DNAH14: variants seen among roughly 807,000 people sequenced by gnomAD.
DNAH14 encodes dynein axonemal heavy chain 14.
DNAH14 carries 478 observed loss-of-function variants against 520.9 expected under a neutral mutation model. That is an observed-to-expected ratio of 0.92 (90% CI 0.85 to 0.99). The LOEUF (loss-of-function observed/expected upper bound fraction) is 0.99, where lower values mean the gene tolerates loss of function less well. Among genes scored for constraint, DNAH14 ranks in the 50% least tolerant of loss-of-function variants. DNAH14 has a pLI of 0.00. For missense variants in DNAH14, 4,831 were observed against 5,234.5 expected, an observed-to-expected ratio of 0.92 and a Z score of 2.38; for synonymous variants, 1,581 against 1,757.2, an observed-to-expected ratio of 0.90 and a Z score of 2.51.
intron 2 of DNAH14, 106 bp from the exon 3 acceptor site, chr1:224,954,853 C>T (rs545549267): frequency 9.0e-6 from 7 of 777,276 alleles, no homozygotes; most frequent in African/African-American, 7.0e-5. Context: ...ACCTAAGAAG[C>T]TGTTTTAATT....
chr1:225,342,113 G>A (rs2095196365), intron 69 of DNAH14, among the ~76,000 whole-genome samples: 3 of 152,114 alleles, frequency 2.0e-5, no homozygotes, highest in Admixed American at 2.0e-4. Context: ...CTAATCTAAA[G>A]CCCATGGTCT....
At chr1:225,251,976 GT>G (rs1424874410) in intron 43 of DNAH14, among the ~76,000 whole-genome samples, 1 of 152,076 alleles carries the variant, frequency 6.6e-6, no homozygotes, top group African/African-American at 2.4e-5. Context: ...TGATATATTG[GT>G]TTGACCACAA....
intron 36 of DNAH14, among the ~76,000 whole-genome samples, chr1:225,182,681 G>T (rs995072236): frequency 3.6e-4 from 55 of 152,144 alleles, no homozygotes; most frequent in African/African-American, 1.3e-3. Context: ...AGAGGAAAGT[G>T]TGTGAGACTT....
At position 225,253,991 on chromosome 1, in the gene DNAH14, G is replaced by A. The variant is rs148011529; in HGVS notation, c.6865+1574G>A. Reference sequence around the variant, plus strand: ...TGTGACCAGATTAGATCTAGACAGCGGGATATGACTAGAGGTGAATCATGC... The same window carrying A: ...TGTGACCAGATTAGATCTAGACAGCAGGATATGACTAGAGGTGAATCATGC... On this transcript the variant is annotated intron_variant, in intron 44 of 85. Transcript: ENST00000682510. Among the ~76,000 whole-genome samples the A allele has an allele frequency of 3.7e-4, 56 of 152,128 alleles. No individual in the cohort carries two copies. The East Asian group carries it at 8.7e-3, about 24-fold the overall frequency.
chr1:224,947,282 T>G (rs185063517), intron 1 of DNAH14, among the ~76,000 whole-genome samples: 2 of 152,300 alleles, frequency 1.3e-5, no homozygotes, highest in East Asian at 3.9e-4. Context: ...TATGTTCCAT[T>G]ACTATGCTGC....
At chr1:225,316,769 G>A (rs1457797190) in intron 60 of DNAH14, among the ~76,000 whole-genome samples, 3 of 152,028 alleles carry the variant, frequency 2.0e-5, no homozygotes, top group Admixed American at 2.0e-4. Flanking sequence ...ATCTCGCTGG[G>A]AGCTGCAGAC....
intron 52 of DNAH14, among the ~76,000 whole-genome samples, chr1:225,275,329 C>G (rs894689052): frequency 2.6e-5 from 4 of 152,158 alleles, no homozygotes; most frequent in Admixed American, 6.5e-5. Context: ...TCTGTCAGTG[C>G]TATAACGTCA....
At chr1:225,245,202 G>A (rs2092212146) in intron 43 of DNAH14, among the ~76,000 whole-genome samples, 1 of 152,190 alleles carries the variant, frequency 6.6e-6, no homozygotes, top group Admixed American at 6.5e-5. Flanking sequence ...TTGCAATGTG[G>A]TCTGAGAGAC....
At chr1:225,042,554 G>T (rs1375266690) in intron 12 of DNAH14, among the ~76,000 whole-genome samples, 1 of 152,144 alleles carries the variant, frequency 6.6e-6, no homozygotes, top group African/African-American at 2.4e-5. Flanking sequence ...TAGGACCTAA[G>T]AATTTGTATT....
At chr1:225,143,160 G>T (rs930894769) in intron 28 of DNAH14, among the ~76,000 whole-genome samples, 6 of 152,100 alleles carry the variant, frequency 3.9e-5, no homozygotes, top group Middle Eastern at 3.4e-3. Context: ...GAGAAAATTT[G>T]AGAAGCTGTG....
intron 30 of DNAH14, 145 bp from the exon 31 acceptor site, chr1:225,146,959 C>A: frequency 1.6e-6 from 1 of 609,310 alleles, no homozygotes; most frequent in Non-Finnish European, 2.7e-6. Flanking sequence ...GCTTTCAACC[C>A]TATAAAAATG....
rs535362502 is a variant in DNAH14 at position 225,179,940 on chromosome 1, T to C, written c.5536-5351T>C. ...CAGGACTTCAAATATATGATCCCAC[T>C]GCCTCTGGCCTGTAAGGTTTCCAAT... On this transcript the variant is annotated intron_variant, in intron 36 of 85. Transcript: ENST00000682510. Among the ~76,000 whole-genome samples the C allele has an allele frequency of 8.5e-4, 129 of 152,208 alleles. 1 individual carries two copies. Among genetic ancestry groups the C allele is most frequent in the African/African-American group, 3.0e-3 (123 of 41,540 alleles).
chr1:225,259,107 A>AT lies in DNAH14; in HGVS notation c.7025-8dup, dbSNP rs751604602. On this transcript the variant is annotated splice_polypyrimidine_tract_variant and intron_variant, in intron 45 of 85. Coordinates refer to ENST00000682510, the MANE Select transcript of DNAH14 (RefSeq NM_001367479.1). Reference sequence around the variant, plus strand: ...CTTGCATATACATCTAACCTTGTGTATTTTTTCCCTTAGGAGAATCTGGTG... The same window carrying AT: ...CTTGCATATACATCTAACCTTGTGTATTTTTTTCCCTTAGGAGAATCTGGTG... 122 of 1,537,304 alleles carry AT rather than the reference A, an allele frequency of 7.9e-5. No homozygotes were observed. The East Asian group carries it at 2.7e-3, about 34-fold the overall frequency.
At chr1:225,322,870 G>T in intron 62 of DNAH14, 47 bp downstream of exon 62, 1 of 1,451,434 alleles carries the variant, frequency 6.9e-7, no homozygotes, top group Non-Finnish European at 9.3e-7. Flanking sequence ...TACAGTCTGT[G>T]GGATCAAACA....
chr1:225,217,990 A>C (rs1005102234), intron 41 of DNAH14, among the ~76,000 whole-genome samples: 3 of 152,088 alleles, frequency 2.0e-5, no homozygotes, highest in African/African-American at 7.2e-5. Context: ...TGCAGACTAT[A>C]GCTGTTCCTA....
chr1:225,221,484 A>G (rs1016572855), intron 41 of DNAH14, among the ~76,000 whole-genome samples: 13 of 152,270 alleles, frequency 8.5e-5, no homozygotes, highest in Non-Finnish European at 1.0e-4. Context: ...ATCAAAAAGC[A>G]GGTAAAGGAT....
In DNAH14 at chr1:225,398,541, G is replaced by A. The variant is rs1415152237; in HGVS notation, c.13513G>A (p.Gly4505Arg). The stretch of plus-strand genomic sequence containing the variant: ...TTAGGGCTCAGCTTCCTCTCACACT[G>A]GAGTTTACATTTTTGGTTTATTCAT... ...AFKGSASSHT[G>R]VYIFGLFIEG... is the part of the protein sequence containing the mutation. The change falls in exon 85 of 86, where the codon GGA (glycine) becomes AGA (arginine). Residue 4505 changes from glycine (G) to arginine (R), a missense_variant. Physicochemically the swap from Gly to Arg is moderately radical, Grantham distance 125. Coordinates refer to ENST00000682510, the MANE Select transcript of DNAH14 (RefSeq NM_001367479.1). The A allele has an allele frequency of 4.5e-6, 7 of 1,551,666 alleles. No homozygotes were observed. Among genetic ancestry groups the A allele is most frequent in the Non-Finnish European group, 6.1e-6 (7 of 1,146,964 alleles).
Position 225,079,356 on chromosome 1 carries a change from A to G in DNAH14, c.2574A>G (p.Ala858=). The G allele has an allele frequency of 6.4e-7, 1 of 1,550,918 alleles. No individual in the cohort carries two copies. Among genetic ancestry groups the G allele is most frequent in the South Asian group, 1.2e-5 (1 of 83,898 alleles). Reference sequence around the variant, plus strand: ...CAATGTCTCAGCTATATTCTGTTGCAAAGCATCACCAGATCCATATTTCAG... The same window carrying G: ...CAATGTCTCAGCTATATTCTGTTGCGAAGCATCACCAGATCCATATTTCAG... ...FLTMSQLYSV[A]KHHQIHISEE... is the part of the protein sequence containing the mutation. Residue 858 remains alanine (A), a synonymous_variant, in exon 18 of 86, where the codon GCA becomes GCG. Coordinates refer to ENST00000682510, the MANE Select transcript of DNAH14 (RefSeq NM_001367479.1).
At chr1:225,375,339 C>T (rs1575094154) in intron 78 of DNAH14, among the ~76,000 whole-genome samples, 1 of 152,230 alleles carries the variant, frequency 6.6e-6, no homozygotes, top group East Asian at 1.9e-4. Flanking sequence ...ATATTAGACA[C>T]CAGCAGCTGT....
Sources: allele counts gnomAD v4.1 joint callset (sites outside exome capture counted in the v4.1 genomes callset), GRCh38; gene constraint gnomAD v4.1.1; transcripts MANE v1.5; gene names NCBI Gene and HGNC (gene_info 2026-07-23, HGNC 2026-07-21).